CEP120: variants seen among roughly 807,000 people sequenced by gnomAD.
CEP120 encodes the protein centrosomal protein 120.
Under a neutral mutation model 126.5 loss-of-function variants are expected in CEP120, and 113 were observed. That is an observed-to-expected ratio of 0.89 (90% CI 0.77 to 1.04). CEP120 has a LOEUF of 1.04. Ranked by LOEUF, CEP120 falls within the 50% of genes least tolerant of loss-of-function variation. The pLI is 0.00. For missense variants in CEP120, 1,230 were observed against 1,155.7 expected (o/e 1.06, Z -0.93); for synonymous variants, 400 against 394.3 (o/e 1.01, Z -0.17).
At chr5:123,364,296 A>T (rs1028977274) in intron 18 of CEP120, among the ~76,000 whole-genome samples, 200 bp downstream of exon 18, 1 of 151,496 alleles carries the variant, frequency 6.6e-6, no homozygotes, top group Non-Finnish European at 1.5e-5. Flanking sequence ...AATTTTTTTT[A>T]AAAGACATAA....
chr5:123,385,101 T>C lies in CEP120; in HGVS notation c.1613A>G (p.Asp538Gly). 2 of 1,613,388 alleles carry C rather than the reference T, an allele frequency of 1.2e-6. No individual in the cohort carries two copies. Among genetic ancestry groups the C allele is most frequent in the South Asian group, 1.1e-5 (1 of 91,012 alleles). ...IPLLVELWHK[D>G]KMSKDLLLGI... ...CAGAAGTAAATCTTTACTCATTTTA[T>C]CCTTGTGCCATAGTTCAACCAGTAA... Residue 538 changes from aspartate (D) to glycine (G), a missense_variant, in exon 11 of 20, where the codon GAT (aspartate) becomes GGT (glycine). Asp to Gly is a moderately conservative substitution (Grantham distance 94). Coordinates refer to ENST00000306467, the MANE Select transcript of CEP120 (RefSeq NM_001375405.1).
intron 14 of CEP120, 150 bp downstream of exon 14, chr5:123,381,961 T>C: frequency 1.9e-6 from 1 of 527,534 alleles, no homozygotes; most frequent in East Asian, 3.1e-5. Context: ...AACGCCTCCC[T>C]TCTCTATCCA....
chr5:123,415,397 A>G (rs1774322358), intron 3 of CEP120, among the ~76,000 whole-genome samples: 1 of 152,248 alleles, frequency 6.6e-6, no homozygotes, highest in African/African-American at 2.4e-5. Flanking sequence ...AGCAGGAAAC[A>G]TTAGAAGAGG....
chr5:123,414,971 C>CAAA (rs56756568), intron 3 of CEP120, among the ~76,000 whole-genome samples: 18 of 40,668 alleles, frequency 4.4e-4, no homozygotes, highest in Admixed American at 9.1e-4. Flanking sequence ...GACTCCATCT[C>CAAA]AAAAAAAAAA....
At chr5:123,389,426 TAGAG>T (rs1475981108) in intron 8 of CEP120, among the ~76,000 whole-genome samples, 2 of 152,184 alleles carry the variant, frequency 1.3e-5, no homozygotes, top group African/African-American at 2.4e-5. Context: ...TCTGTTAATT[TAGAG>T]AATTATATTT....
chr5:123,398,795 G>C (rs1772977290), intron 5 of CEP120, among the ~76,000 whole-genome samples: 2 of 152,216 alleles, frequency 1.3e-5, no homozygotes, highest in African/African-American at 2.4e-5. Context: ...AAGTATTCCT[G>C]ACATTGTAAG....
At chr5:123,399,841 TAAG>T (rs1773058001) in intron 4 of CEP120, among the ~76,000 whole-genome samples, 1 of 152,130 alleles carries the variant, frequency 6.6e-6, no homozygotes. Flanking sequence ...GATAGTTTTC[TAAG>T]AATAAGAGAA....
chr5:123,389,756 T>C (rs1163138568), intron 8 of CEP120, among the ~76,000 whole-genome samples, 168 bp downstream of exon 8: 1 of 152,226 alleles, frequency 6.6e-6, no homozygotes, highest in Non-Finnish European at 1.5e-5. Flanking sequence ...TGCCTCGGTC[T>C]TCCAAAGTGC....
intron 4 of CEP120, among the ~76,000 whole-genome samples, chr5:123,402,728 T>C (rs1436712957): frequency 5.3e-5 from 8 of 152,186 alleles, no homozygotes; most frequent in African/African-American, 1.9e-4. Context: ...TGTATATTGA[T>C]AAATATAAGC....
At position 123,423,370 on chromosome 5, in the gene CEP120, C is replaced by T. The variant is rs938259989; in HGVS notation, c.-372G>A. On this transcript the variant is annotated 5_prime_UTR_variant, in exon 1 of 20. Transcript: ENST00000306467. ...AGCTTCCGCCTAGCAACCAGGCCCGCAGGCCCAGTGCCCAGGGGAGGTTGG... is the reference window on the plus strand; with the variant it reads ...AGCTTCCGCCTAGCAACCAGGCCCGTAGGCCCAGTGCCCAGGGGAGGTTGG... 1.6e-5 allele frequency: 5 copies of T among 320,358 alleles called. No individual in the cohort carries two copies. The highest frequency in any genetic ancestry group is 9.0e-5 in the African/African-American group (4 of 44,432). 19.8% of individuals were successfully genotyped at this position (320,358 alleles called of 1,614,324 possible). A position where few individuals can be genotyped will look rare whatever the true frequency, so the allele number is the denominator to read the frequency against.
intron 17 of CEP120, among the ~76,000 whole-genome samples, chr5:123,367,376 T>C (rs929372522): frequency 6.6e-6 from 1 of 151,946 alleles, no homozygotes; most frequent in African/African-American, 2.4e-5. Context: ...AATATTTCAT[T>C]TTTTAAAGTC....
intron 3 of CEP120, among the ~76,000 whole-genome samples, chr5:123,415,310 G>A (rs1774319124): frequency 6.6e-6 from 1 of 152,168 alleles, no homozygotes; most frequent in Non-Finnish European, 1.5e-5. Flanking sequence ...ATGGAGGAAG[G>A]AAAAGGAAAA....
chr5:123,370,300 T>C (rs936125764), intron 17 of CEP120, among the ~76,000 whole-genome samples: 3 of 152,074 alleles, frequency 2.0e-5, no homozygotes, highest in Admixed American at 6.6e-5. Flanking sequence ...CTTTAAGGAT[T>C]TGAGTGCTGG....
intron 4 of CEP120, among the ~76,000 whole-genome samples, chr5:123,410,664 A>G (rs376545642): frequency 6.6e-6 from 1 of 152,250 alleles, no homozygotes; most frequent in East Asian, 1.9e-4. Flanking sequence ...CAGACCTTAC[A>G]ACCTTTCCAA....
rs549802941 is a variant in CEP120 at position 123,385,738 on chromosome 5, C to T, written c.1581-605G>A. ...CTCAAGTGATCCTCCCGTTTTAGCC[C>T]CCTAAGTAGCTGGGACTGCAGGTGC... On this transcript the variant is annotated intron_variant, in intron 10 of 19. Transcript: ENST00000306467. Among the ~76,000 whole-genome samples, 426 of 151,918 alleles carry T rather than the reference C, an allele frequency of 2.8e-3. 4 individuals carry two copies. The highest frequency in any genetic ancestry group is 9.9e-3 in the African/African-American group (410 of 41,430).
intron 4 of CEP120, among the ~76,000 whole-genome samples, chr5:123,404,148 G>A (rs1471549746): frequency 7.3e-6 from 1 of 136,462 alleles, no homozygotes; most frequent in African/African-American, 2.8e-5. Context: ...AAACAGTCCA[G>A]GGAAAAATAT....
intron 17 of CEP120, among the ~76,000 whole-genome samples, chr5:123,370,888 G>A (rs73799288): frequency 2.6e-5 from 4 of 151,584 alleles, no homozygotes; most frequent in African/African-American, 9.7e-5. Flanking sequence ...TTACAGGCAT[G>A]AGCCACTATA....
At chr5:123,376,818 T>C (rs1362806249) in intron 16 of CEP120, among the ~76,000 whole-genome samples, 1 of 152,044 alleles carries the variant, frequency 6.6e-6, no homozygotes, top group Non-Finnish European at 1.5e-5. Flanking sequence ...AAATCACGAA[T>C]AAGATTGTTT....
chr5:123,408,093 C>T (rs1773813746), intron 4 of CEP120, among the ~76,000 whole-genome samples: 1 of 152,088 alleles, frequency 6.6e-6, no homozygotes, highest in Admixed American at 6.5e-5. Context: ...GATAATTTCG[C>T]TGGGCACAGA....
Sources: allele counts gnomAD v4.1 joint callset (sites outside exome capture counted in the v4.1 genomes callset), GRCh38; gene constraint gnomAD v4.1.1; transcripts MANE v1.5; gene names NCBI Gene and HGNC (gene_info 2026-07-23, HGNC 2026-07-21).